VIRMA: variants seen among roughly 807,000 people sequenced by gnomAD.
VIRMA encodes vir like m6A methyltransferase associated.
VIRMA carries 65 observed loss-of-function variants against 182.4 expected under a neutral mutation model. The observed-to-expected ratio is 0.36, with a 90% CI of 0.29 to 0.44. The LOEUF is 0.44. Ranked by LOEUF, VIRMA falls within the 20% of genes least tolerant of loss-of-function variation. The pLI is 1.00. For synonymous variants in VIRMA, 709 were observed against 743.1 expected, an observed-to-expected ratio of 0.95 and a Z score of 0.75; for missense variants, 1,752 against 2,158.1, an observed-to-expected ratio of 0.81 and a Z score of 3.73.
chr8:94,502,319 C>T (rs1814016233), intron 16 of VIRMA, among the ~76,000 whole-genome samples: 1 of 152,058 alleles, frequency 6.6e-6, no homozygotes. Flanking sequence ...GCCTAGGCAA[C>T]AGAGTTAGAC....
Position 94,553,432 on chromosome 8 carries a change from C to T in VIRMA, c.16G>A (p.Ala6Thr). 1.2e-6 allele frequency: 2 copies of T among 1,614,238 alleles called. No homozygotes were observed. The highest frequency in any genetic ancestry group is 2.2e-5 in the South Asian group (2 of 91,088). Residue 6 changes from alanine to threonine, a missense_variant, in exon 1 of 24, where the codon GCG becomes ACG. Physicochemically the swap from Ala to Thr is moderately conservative, Grantham distance 58 (BLOSUM62 0). Transcript: ENST00000297591. The part of the protein sequence containing the change: MAVDS[A>T]MELLFLDTFK... ...GTATCTAAAAATAACAGCTCCATCGCCGAGTCCACCGCCATGTTTGCCGCG... is the reference window on the plus strand; with the variant it reads ...GTATCTAAAAATAACAGCTCCATCGTCGAGTCCACCGCCATGTTTGCCGCG...
intron 15 of VIRMA, among the ~76,000 whole-genome samples, chr8:94,507,517 G>C (rs948349583): frequency 6.6e-6 from 1 of 151,834 alleles, no homozygotes; most frequent in Non-Finnish European, 1.5e-5. Flanking sequence ...CACTTTCAGA[G>C]GCCAAGGCAA....
At chr8:94,497,724 G>A (rs1194865028) in intron 17 of VIRMA, 1 of 152,032 alleles carries the variant, frequency 6.6e-6, no homozygotes, top group African/African-American at 2.4e-5. Context: ...TTTAAGAGAC[G>A]AGTTGGCCAG....
At position 94,517,783 on chromosome 8, in the gene VIRMA, C is replaced by A; in HGVS notation, c.2668+5G>T. Reference sequence around the variant, plus strand: ...AAATGCTTAAAATAACTTTAAGTACCATACCTTGCAATTTAGCATTATTTT... The same window carrying A: ...AAATGCTTAAAATAACTTTAAGTACAATACCTTGCAATTTAGCATTATTTT... On this transcript the variant is annotated splice_donor_5th_base_variant and intron_variant, in intron 10 of 23. Coordinates refer to ENST00000297591, the MANE Select transcript of VIRMA (RefSeq NM_015496.5). 6.3e-7 allele frequency: 1 copy of A among 1,584,974 alleles called. No individual in the cohort carries two copies.
chr8:94,506,882 CT>C (rs1814169897), intron 15 of VIRMA, among the ~76,000 whole-genome samples, 165 bp from the exon 16 acceptor site: 1 of 152,130 alleles, frequency 6.6e-6, no homozygotes, highest in Non-Finnish European at 1.5e-5. Context: ...AATGAAATTA[CT>C]TTTCCCTTTT....
At chr8:94,489,148 T>TA (rs777406289) in intron 23 of VIRMA, among the ~76,000 whole-genome samples, 14 of 151,256 alleles carry the variant, frequency 9.3e-5, no homozygotes, top group East Asian at 5.8e-4. Flanking sequence ...ATAAATGTTT[T>TA]AAAAAAAAAG....
At position 94,512,016 on chromosome 8, in the gene VIRMA, C is replaced by T. The variant is rs772794399; in HGVS notation, c.2825G>A (p.Cys942Tyr). ...ATTACCTTCAACAGGAGGTGGTGGG[C>T]ATGCAACATTACAGAGAACACGTAA... ...TALRVLCNVA[C>Y]PPPPVEGQQK... Residue 942 changes from cysteine (C) to tyrosine (Y), a missense_variant, in exon 12 of 24, where the codon TGC becomes TAC. Cys to Tyr is a radical substitution (Grantham distance 194, BLOSUM62 -2). Coordinates refer to ENST00000297591, the MANE Select transcript of VIRMA (RefSeq NM_015496.5). 6.5e-7 allele frequency: 1 copy of T among 1,527,872 alleles called. No individual in the cohort carries two copies. The allele number at this position is 1,527,872 out of a possible 1,614,324, so 94.6% of individuals were successfully genotyped here.
At chr8:94,534,710 CCTCTCTTCCT>C (rs1815277199) in intron 5 of VIRMA, 119 bp downstream of exon 5, 4 of 1,059,658 alleles carry the variant, frequency 3.8e-6, no homozygotes, top group Non-Finnish European at 5.4e-6. Context: ...CCTCTCTCCC[CCTCTCTTCCT>C]CTCTCCCTCT....
chr8:94,542,263 G>A (rs1273968596), intron 2 of VIRMA, among the ~76,000 whole-genome samples: 8 of 152,146 alleles, frequency 5.3e-5, no homozygotes, highest in African/African-American at 1.7e-4. Flanking sequence ...TCTTTCTTGG[G>A]CATGCCCTCT....
intron 23 of VIRMA, among the ~76,000 whole-genome samples, chr8:94,489,469 C>T (rs1372677956): frequency 1.3e-5 from 2 of 152,142 alleles, no homozygotes; most frequent in Admixed American, 6.5e-5. Flanking sequence ...GACCCTTGAA[C>T]AACATGGGTT....
At position 94,547,537 on chromosome 8, in the gene VIRMA, CA is replaced by C. The variant is rs1294212697; in HGVS notation, c.64-3596del. Reference sequence around the variant, plus strand: ...GCTACCACTTCCTTTTTCACTTCTGCAGATGAGTTCCTAATTGGTTTCCTGA... The same window carrying C: ...GCTACCACTTCCTTTTTCACTTCTGCGATGAGTTCCTAATTGGTTTCCTGA... On this transcript the variant is annotated intron_variant, in intron 1 of 23. Transcript: ENST00000297591. Among the ~76,000 whole-genome samples the C allele has an allele frequency of 7.3e-5, 11 of 150,938 alleles. 1 individual carries two copies. Among genetic ancestry groups the C allele is most frequent in the Non-Finnish European group, 1.3e-4 (9 of 68,032 alleles).
At chr8:94,509,067 A>G (rs1295225523) in intron 15 of VIRMA, among the ~76,000 whole-genome samples, 1 of 152,182 alleles carries the variant, frequency 6.6e-6, no homozygotes, top group Non-Finnish European at 1.5e-5. Context: ...TTGCCCCAAC[A>G]AGAGAACATA....
Position 94,501,409 on chromosome 8 carries a change from AAC to A in VIRMA, c.4098-1905_4098-1904del, listed in dbSNP as rs1359003624. Reference sequence around the variant, plus strand: ...AATAAGCTGACATAAATAACTGAAAAACAGTTTTTTGACTGGATACACTAAGG... The same window carrying A: ...AATAAGCTGACATAAATAACTGAAAAAGTTTTTTGACTGGATACACTAAGG... On this transcript the variant is annotated intron_variant, in intron 16 of 23. Transcript: ENST00000297591. 6.6e-5 allele frequency among the ~76,000 whole-genome samples: 10 copies of A among 152,148 alleles called. No individual in the cohort carries two copies. In the East Asian group the frequency reaches 1.9e-3, roughly 29 times the overall value.
intron 2 of VIRMA, among the ~76,000 whole-genome samples, chr8:94,540,074 C>T (rs1422334018): frequency 2.0e-5 from 3 of 152,144 alleles, no homozygotes; most frequent in Admixed American, 6.5e-5. Flanking sequence ...TGGACAAAGA[C>T]ACACCATTTG....
At chr8:94,491,402 GTTTC>G (rs1310807018) in intron 22 of VIRMA, among the ~76,000 whole-genome samples, 172 bp downstream of exon 22, 4 of 152,024 alleles carry the variant, frequency 2.6e-5, no homozygotes, top group African/African-American at 9.7e-5. Flanking sequence ...TTGAAAAAAA[GTTTC>G]TTTCTTCTAT....
chr8:94,538,730 G>A (rs1416392728), intron 2 of VIRMA, among the ~76,000 whole-genome samples: 1 of 152,070 alleles, frequency 6.6e-6, no homozygotes, highest in Non-Finnish European at 1.5e-5. Flanking sequence ...TCCTGCCTCA[G>A]CTTCCTGAGC....
In VIRMA at chr8:94,543,469, T is replaced by A. The variant is rs564496155; in HGVS notation, c.179+358A>T. The stretch of plus-strand genomic sequence containing the variant: ...TAATAGTAAGATACACTTATAAATA[T>A]TTCAACTAATTCCCACTTATTTTCA... On this transcript the variant is annotated intron_variant, in intron 2 of 23. Transcript: ENST00000297591. 4.7e-5 allele frequency among the ~76,000 whole-genome samples: 7 copies of A among 148,870 alleles called. No homozygotes were observed. The South Asian group carries it at 1.5e-3, about 32-fold the overall frequency.
chr8:94,529,754 C>G (rs1380506875), intron 6 of VIRMA, among the ~76,000 whole-genome samples: 2 of 152,128 alleles, frequency 1.3e-5, no homozygotes, highest in Non-Finnish European at 2.9e-5. Context: ...ATTCTCCTCC[C>G]TCAGTCTCCT....
At chr8:94,499,870 C>G (rs945876203) in intron 16 of VIRMA, among the ~76,000 whole-genome samples, 1 of 150,068 alleles carries the variant, frequency 6.7e-6, no homozygotes, top group Admixed American at 6.6e-5. Flanking sequence ...CATAGGGTAA[C>G]CCGGTCTCTA....
Sources: allele counts gnomAD v4.1 joint callset (sites outside exome capture counted in the v4.1 genomes callset), GRCh38; gene constraint gnomAD v4.1.1; transcripts MANE v1.5; gene names NCBI Gene and HGNC (gene_info 2026-07-23, HGNC 2026-07-21).